Variants in PTGER3 observed in about 807,000 individuals in gnomAD.
PTGER3 encodes prostaglandin E receptor 3, also known as prostaglandin E2 receptor EP3 subtype.
Under a neutral mutation model 34.7 loss-of-function variants are expected in PTGER3, and 22 were observed. The observed-to-expected ratio is 0.63, with a 90% confidence interval of 0.45 to 0.91. The LOEUF is 0.91. PTGER3 is among the 40% of genes least tolerant of loss of function. The probability of loss-of-function intolerance (pLI) is 0.00; values close to 1 mark genes in which losing one functional copy is unlikely to be tolerated. For synonymous variants in PTGER3, 241 were observed against 230.1 expected, an observed-to-expected ratio of 1.05 and a Z score of -0.43; for missense variants, 468 against 519.4, an observed-to-expected ratio of 0.90 and a Z score of 0.96.
At chr1:70,901,017 T>A (rs1646827140) in intron 4 of PTGER3, among the ~76,000 whole-genome samples, 1 of 152,138 alleles carries the variant, frequency 6.6e-6, no homozygotes, top group Non-Finnish European at 1.5e-5. Flanking sequence ...AATGGACTTC[T>A]CCTGGGAGAA....
At chr1:71,025,830 A>G (rs1658880185) in intron 1 of PTGER3, among the ~76,000 whole-genome samples, 1 of 152,200 alleles carries the variant, frequency 6.6e-6, no homozygotes, top group Non-Finnish European at 1.5e-5. Context: ...GGTTAAACCC[A>G]GTTAACATGG....
In PTGER3 at chr1:70,921,685, A is replaced by C. The variant is rs533250049; in HGVS notation, c.*23+32078T>G. ...AATAAAAATAAAAATAACTGGATGA[A>C]GTTTCCCTCTTGTCTCTTGTATGTC... On this transcript the variant is annotated intron_variant, in intron 4 of 4. Coordinates refer to the PTGER3 transcript ENST00000370931. 6.8e-4 allele frequency among the ~76,000 whole-genome samples: 104 copies of C among 152,250 alleles called. 1 individual carries two copies. Among genetic ancestry groups the C allele is most frequent in the African/African-American group, 2.4e-3 (98 of 41,554 alleles).
At chr1:70,990,834 G>C (rs1158999288) in intron 2 of PTGER3, among the ~76,000 whole-genome samples, 1 of 152,040 alleles carries the variant, frequency 6.6e-6, no homozygotes, top group Non-Finnish European at 1.5e-5. Flanking sequence ...ATATAATATG[G>C]AGATTAATAT....
intron 2 of PTGER3, among the ~76,000 whole-genome samples, chr1:70,995,540 G>A (rs146471280): frequency 3.6e-4 from 55 of 152,122 alleles, no homozygotes; most frequent in African/African-American, 1.1e-3. Flanking sequence ...TCACTCTAGC[G>A]TCCAAATACT....
rs538844518 is a variant in PTGER3 at position 70,853,705 on chromosome 1, G to C, written c.*24-846C>G. 7.2e-5 allele frequency among the ~76,000 whole-genome samples: 11 copies of C among 152,206 alleles called. No homozygotes were observed. The East Asian group carries it at 1.7e-3, about 24-fold the overall frequency. On this transcript the variant is annotated intron_variant, in intron 4 of 4. Coordinates refer to the PTGER3 transcript ENST00000370931. ...ACTTCAAATAAGAAAAAGAAAAAAC[G>C]TGTTTTAAATAGGTTAAGTGATCCC...
chr1:70,930,598 A>C (rs1572680786), intron 4 of PTGER3, among the ~76,000 whole-genome samples: 1 of 152,330 alleles, frequency 6.6e-6, no homozygotes, highest in Non-Finnish European at 1.5e-5. Flanking sequence ...GGGGGGCCTC[A>C]GAATCACAAT....
chr1:71,044,197 G>T lies in PTGER3; in HGVS notation c.897+2484C>A, dbSNP rs1169013934. Among the ~76,000 whole-genome samples the T allele has an allele frequency of 4.0e-5, 6 of 151,602 alleles. No homozygotes were observed. In the East Asian group the frequency reaches 1.2e-3, roughly 30 times the overall value. ...CATGCCTGTAATCCCAGCACTTTGG[G>T]TGGCCGAGGTGGGCGGATCACCTCA... On this transcript the variant is annotated intron_variant, in intron 1 of 3. Coordinates refer to ENST00000306666, the MANE Select transcript of PTGER3 (RefSeq NM_198719.2).
chr1:70,892,666 C>T (rs1049191787), intron 4 of PTGER3, among the ~76,000 whole-genome samples: 4 of 151,778 alleles, frequency 2.6e-5, no homozygotes, highest in African/African-American at 9.7e-5. Context: ...CATGGTGAAA[C>T]CCCGTCTCTA....
At chr1:70,861,344 T>C (rs991536872) in intron 4 of PTGER3, among the ~76,000 whole-genome samples, 1 of 152,224 alleles carries the variant, frequency 6.6e-6, no homozygotes, top group Admixed American at 6.5e-5. Flanking sequence ...TTTCTAACTT[T>C]CTAGTGTTAG....
chr1:70,873,568 AT>A (rs1289065690), intron 4 of PTGER3, among the ~76,000 whole-genome samples: 1 of 147,362 alleles, frequency 6.8e-6, no homozygotes, highest in African/African-American at 2.6e-5. Flanking sequence ...TGTTTATTTT[AT>A]TTTAATTTTC....
At chr1:70,941,838 C>T (rs1649786548) in intron 4 of PTGER3, among the ~76,000 whole-genome samples, 2 of 152,152 alleles carry the variant, frequency 1.3e-5, no homozygotes, top group Admixed American at 6.6e-5. Flanking sequence ...TATATCTGTG[C>T]TTCTGACATT....
chr1:70,856,099 C>G (rs1645796749), intron 4 of PTGER3, among the ~76,000 whole-genome samples: 1 of 151,974 alleles, frequency 6.6e-6, no homozygotes. Context: ...TTTTTCACTT[C>G]TCTGAAAGAG....
chr1:70,923,517 G>C (rs1226549665), intron 4 of PTGER3, among the ~76,000 whole-genome samples: 1 of 152,054 alleles, frequency 6.6e-6, no homozygotes, highest in African/African-American at 2.4e-5. Flanking sequence ...GATAACTTTG[G>C]AGATTATTAC....
intron 2 of PTGER3, among the ~76,000 whole-genome samples, chr1:71,003,233 A>G (rs1033106926): frequency 6.6e-6 from 1 of 152,206 alleles, no homozygotes; most frequent in African/African-American, 2.4e-5. Context: ...CAAAGGTTCA[A>G]TCAATAAGGT....
Position 70,974,280 on chromosome 1 carries a change from CAGTT to C in PTGER3, c.1169+13_1169+16del. On this transcript the variant is annotated intron_variant, in intron 3 of 3. Coordinates refer to ENST00000306666, the MANE Select transcript of PTGER3 (RefSeq NM_198719.2). ...GGGAAGGCTATGCTATAAATCCCGG[CAGTT>C]TCTAAATCTCACCTTTCCAAATGGT... 1 of 1,612,422 alleles carries C rather than the reference CAGTT, an allele frequency of 6.2e-7. No individual in the cohort carries two copies. Among genetic ancestry groups the C allele is most frequent in the Admixed American group, 1.7e-5 (1 of 59,886 alleles).
At chr1:70,939,851 C>T (rs1311642134) in intron 4 of PTGER3, among the ~76,000 whole-genome samples, 1 of 152,198 alleles carries the variant, frequency 6.6e-6, no homozygotes, top group Admixed American at 6.5e-5. Flanking sequence ...ATGAAGATCT[C>T]TCACATAGCC....
At chr1:70,852,827 G>A in exon 5 of PTGER3, 1 of 1,613,370 alleles carries the variant, frequency 6.2e-7, no homozygotes, top group Non-Finnish European at 8.5e-7. Context: ...GATCCTGGCA[G>A]AAAGGCAGGT....
At position 70,970,990 on chromosome 1, in the gene PTGER3, G is replaced by A. The variant is rs113621180; in HGVS notation, c.*740C>T. The A allele has an allele frequency of 1.6e-3, 1,625 of 985,258 alleles. 26 individuals are homozygous for A. In the African/African-American group the frequency reaches 0.026, roughly 16 times the overall value. The allele number at this position is 985,258 out of a possible 1,614,324, so 61.0% of individuals were successfully genotyped here. Reference sequence around the variant, plus strand: ...TGGATTTTTTTATCACTCTAACTGCGCAGCTAATCATTCAACCTCAAATTT... The same window carrying A: ...TGGATTTTTTTATCACTCTAACTGCACAGCTAATCATTCAACCTCAAATTT... On this transcript the variant is annotated 3_prime_UTR_variant, in exon 4 of 4. Transcript: ENST00000306666.
chr1:70,872,257 C>T (rs1646179045), intron 4 of PTGER3, among the ~76,000 whole-genome samples: 1 of 152,152 alleles, frequency 6.6e-6, no homozygotes, highest in Admixed American at 6.5e-5. Flanking sequence ...TCATATTGTC[C>T]TTCCTGAAAT....
Sources: allele counts gnomAD v4.1 joint callset (sites outside exome capture counted in the v4.1 genomes callset), GRCh38; gene constraint gnomAD v4.1.1; transcripts MANE v1.5; gene names NCBI Gene and HGNC (gene_info 2026-07-23, HGNC 2026-07-21).